Variants in ARHGAP9 observed in about 807,000 individuals in gnomAD.
The protein encoded by ARHGAP9 is Rho GTPase activating protein 9.
Under a neutral mutation model 87.3 loss-of-function variants are expected in ARHGAP9, and 76 were observed. That is an observed-to-expected ratio of 0.87 (90% CI 0.72 to 1.05). ARHGAP9 has a LOEUF of 1.05. ARHGAP9 is among the 50% of genes least tolerant of loss of function. The pLI is 0.00. For synonymous variants in ARHGAP9, 382 were observed against 394.9 expected (o/e 0.97, Z 0.39); for missense variants, 941 against 960.5 (o/e 0.98, Z 0.27).
rs148585262 is a variant in ARHGAP9 at position 57,488,357 on chromosome 12, C to T, written c.-204+255G>A. 1.5e-4 allele frequency: 112 copies of T among 743,116 alleles called. No individual in the cohort carries two copies. The East Asian group carries it at 2.9e-3, about 19-fold the overall frequency. 46.0% of individuals were successfully genotyped at this position (743,116 alleles called of 1,614,324 possible). A position where few individuals can be genotyped will look rare whatever the true frequency, so the allele number is the denominator to read the frequency against. ...GATCACTCCACGCCTTCTTCCCTCC[C>T]AGTCACATCTTTCACTTCCTTTAAT... On this transcript the variant is annotated intron_variant, in intron 1 of 20. Coordinates refer to the ARHGAP9 transcript ENST00000393797.
At chr12:57,481,794 C>T (rs921341632), upstream of ARHGAP9, among the ~76,000 whole-genome samples, 14 of 152,198 alleles carry the variant, frequency 9.2e-5, no homozygotes, top group African/African-American at 3.4e-4. Context: ...ACCTTTCTGG[C>T]AGTTCCTTGT....
chr12:57,478,928 T>A (rs1479733710), intron 2 of ARHGAP9, among the ~76,000 whole-genome samples, 163 bp downstream of exon 2: 1 of 152,034 alleles, frequency 6.6e-6, no homozygotes, highest in African/African-American at 2.4e-5. Flanking sequence ...GGGATGAGGA[T>A]GCCATGGCGG....
chr12:57,483,271 C>G (rs1875161587), upstream of ARHGAP9, among the ~76,000 whole-genome samples: 1 of 152,162 alleles, frequency 6.6e-6, no homozygotes, highest in South Asian at 2.1e-4. Context: ...GTTTCCTCGC[C>G]ACCCACATTG....
rs770429721 is a variant in ARHGAP9, at chr12:57,472,609, C to G, written c.2104G>C (p.Glu702Gln). Residue 702 changes from glutamate (E) to glutamine (Q), a missense_variant, in exon 18 of 18, where the codon GAG becomes CAG. By Grantham distance (29) the Glu-to-Gln change is conservative. Coordinates refer to ENST00000393791, the MANE Select transcript of ARHGAP9 (RefSeq NM_032496.4). ...GCTGCTGGGTCAGATGTCTCCTGCT[C>G]TGGCCGAAACAGGGTTGGTCCAAAC... is the stretch of plus-strand genomic sequence containing the variant. ...IVFGPTLFRP[E>Q]QETSDPAAHA... is the part of the protein sequence containing the mutation. 5 of 1,614,236 alleles carry G rather than the reference C, an allele frequency of 3.1e-6. No individual in the cohort carries two copies. The South Asian group carries it at 4.4e-5, about 14-fold the overall frequency.
At chr12:57,475,721 G>T (rs1594772216) in intron 10 of ARHGAP9, 106 bp from the exon 11 acceptor site, 1 of 1,533,608 alleles carries the variant, frequency 6.5e-7, no homozygotes, top group South Asian at 1.2e-5. Flanking sequence ...CCAGGCAAGG[G>T]CTCTCCACTG....
At chr12:57,488,063 G>C (rs780336211) in intron 1 of ARHGAP9, 1 of 1,599,884 alleles carries the variant, frequency 6.3e-7, no homozygotes, top group African/African-American at 1.3e-5. Flanking sequence ...GCCGGTTCCG[G>C]TTGCATCAGC....
chr12:57,475,048 C>T, intron 12 of ARHGAP9, 75 bp from the exon 13 acceptor site: 1 of 1,474,538 alleles, frequency 6.8e-7, no homozygotes. Context: ...AGGTCTTTAT[C>T]CTTAAGTGAG....
In ARHGAP9 at chr12:57,486,338, C is replaced by T. The variant is rs569974875; in HGVS notation, c.-204+2274G>A. On this transcript the variant is annotated intron_variant, in intron 1 of 20. Coordinates refer to the ARHGAP9 transcript ENST00000393797. ...AGGCTGGAGTGTAGAGGCACGATCT[C>T]GGCTCACTGCAACCTCTGCCTCCTG... 2.2e-4 allele frequency among the ~76,000 whole-genome samples: 34 copies of T among 151,450 alleles called. 1 individual carries two copies. In the Middle Eastern group the frequency reaches 0.017, roughly 76 times the overall value.
Position 57,472,370 on chromosome 12 carries a change from C to T in ARHGAP9, c.*147G>A, listed in dbSNP as rs1872117366. ...ACTCACTTTCCTCTTTAGAGAAGCT[C>T]CCTCACCCATCCCAACACCTCAAGT... On this transcript the variant is annotated 3_prime_UTR_variant, in exon 18 of 18. Transcript: ENST00000393791. 3 of 1,016,624 alleles carry T rather than the reference C, an allele frequency of 3.0e-6. No individual in the cohort carries two copies. The highest frequency in any genetic ancestry group is 1.6e-5 in the African/African-American group (1 of 61,132). 63.0% of individuals were successfully genotyped at this position (1,016,624 alleles called of 1,614,324 possible). A position where few individuals can be genotyped will look rare whatever the true frequency, so the allele number is the denominator to read the frequency against.
chr12:57,476,974 G>A lies in ARHGAP9; in HGVS notation c.871-11C>T, dbSNP rs548658871. 4.3e-6 allele frequency: 7 copies of A among 1,613,098 alleles called. No individual in the cohort carries two copies. The Admixed American group carries it at 1.0e-4, about 23-fold the overall frequency. ...GAGGCTGAGTGAACCCTAGGGGAGA[G>A]GATTGGAGAAACAGGTGGGGAAACG... On this transcript the variant is annotated splice_polypyrimidine_tract_variant and intron_variant, in intron 5 of 17. Coordinates refer to ENST00000393791, the MANE Select transcript of ARHGAP9 (RefSeq NM_032496.4).
chr12:57,480,032 G>C, upstream of ARHGAP9: 1 of 985,392 alleles, frequency 1.0e-6, no homozygotes, highest in Non-Finnish European at 1.2e-6. Flanking sequence ...CAGAGAGAAA[G>C]ACAAAGTGGG....
At chr12:57,488,047 C>T (rs1417648295) in intron 1 of ARHGAP9, 2 of 1,548,938 alleles carry the variant, frequency 1.3e-6, no homozygotes, top group Non-Finnish European at 1.8e-6. Context: ...AACTCAGAAG[C>T]GGGAGGCCGG....
chr12:57,478,193 G>C (rs1874466491), intron 3 of ARHGAP9: 1 of 316,430 alleles, frequency 3.2e-6, no homozygotes, highest in Non-Finnish European at 5.9e-6. Flanking sequence ...GAGGAAGGAA[G>C]AGCACAGGGC....
In ARHGAP9 at chr12:57,475,303, C is replaced by T; in HGVS notation, c.1540G>A (p.Gly514Ser). 1 of 1,595,434 alleles carries T rather than the reference C, an allele frequency of 6.3e-7. No homozygotes were observed. Among genetic ancestry groups the T allele is most frequent in the South Asian group, 1.1e-5 (1 of 88,182 alleles). Residue 514 changes from glycine to serine, a missense_variant, in exon 12 of 18, where the codon GGT (glycine) becomes AGT (serine). Transcript: ENST00000393791. Reference protein sequence around the residue: ...RPPLQSLQERGLLRDQVFGCQ... With the variant: ...RPPLQSLQERSLLRDQVFGCQ... ...CCAGCCCCCTCACCTCGGAGCAGAC[C>T]CCGCTCCTGCAGGCTTTGTAAGGGC... is the stretch of plus-strand genomic sequence containing the variant.
rs374270782 is a variant in ARHGAP9 at position 57,473,735 on chromosome 12, G to A, written c.1919-27C>T. ...TAGAGAGAGTGATGGGAAAGGCATG[G>A]TAGTAAGGTTAGGGAAGGTGCTAGG... On this transcript the variant is annotated intron_variant, in intron 16 of 17. Coordinates refer to ENST00000393791, the MANE Select transcript of ARHGAP9 (RefSeq NM_032496.4). 1.3e-5 allele frequency: 20 copies of A among 1,596,246 alleles called. No homozygotes were observed. The African/African-American group carries it at 1.9e-4, about 15-fold the overall frequency.
Position 57,475,624 on chromosome 12 carries a change from G to C in ARHGAP9, c.1312-9C>G. On this transcript the variant is annotated splice_polypyrimidine_tract_variant and intron_variant, in intron 10 of 17. Coordinates refer to ENST00000393791, the MANE Select transcript of ARHGAP9 (RefSeq NM_032496.4). ...AGGGGGTTCTCCCGATCCTAGACCC[G>C]GGGCGGGCCGTGTCGAAGGTGAGAG... 2 of 1,606,902 alleles carry C rather than the reference G, an allele frequency of 1.2e-6. No homozygotes were observed. The highest frequency in any genetic ancestry group is 8.5e-7 in the Non-Finnish European group (1 of 1,176,826).
intron 1 of ARHGAP9, among the ~76,000 whole-genome samples, chr12:57,485,633 G>C (rs1256412296): frequency 1.3e-5 from 2 of 151,604 alleles, no homozygotes; most frequent in African/African-American, 4.8e-5. Flanking sequence ...AAGTGATCCA[G>C]CTGCCCAAAG....
chr12:57,477,693 G>T lies in ARHGAP9; in HGVS notation c.535-13C>A, dbSNP rs373142333. 1.7e-5 allele frequency: 28 copies of T among 1,609,348 alleles called. No homozygotes were observed. The highest frequency in any genetic ancestry group is 2.7e-5 in the African/African-American group (2 of 74,800). On this transcript the variant is annotated splice_polypyrimidine_tract_variant and intron_variant, in intron 3 of 17. Coordinates refer to ENST00000393791, the MANE Select transcript of ARHGAP9 (RefSeq NM_032496.4). ...GCTGGGGGCCTGCCTGCCAGAAAAG[G>T]GGGAAGAAGGAGGTGGTCATTCTGC...
chr12:57,474,607 G>T lies in ARHGAP9; in HGVS notation c.1729+19C>A. 1 of 1,614,072 alleles carries T rather than the reference G, an allele frequency of 6.2e-7. No homozygotes were observed. The highest frequency in any genetic ancestry group is 8.5e-7 in the Non-Finnish European group (1 of 1,179,956). ...GCAAGACATTCTTAGTACAACCACT[G>T]GCCCACAAGCCTTCTCACCTCTGTC... On this transcript the variant is annotated intron_variant, in intron 14 of 17. Transcript: ENST00000393791.
Sources: allele counts gnomAD v4.1 joint callset (sites outside exome capture counted in the v4.1 genomes callset), GRCh38; gene constraint gnomAD v4.1.1; transcripts MANE v1.5; gene names NCBI Gene and HGNC (gene_info 2026-07-23, HGNC 2026-07-21).